The following TAB2 variants were observed in gnomAD, a reference collection of about 807,000 sequenced individuals.
TAB2 encodes the protein TGF-beta activated kinase 1 (MAP3K7) binding protein 2, also known as TGF-beta-activated kinase 1 and MAP3K7-binding protein 2.
TAB2 carries 3 observed loss-of-function variants against 65.0 expected under a neutral mutation model. That is an observed-to-expected ratio of 0.05 (90% CI 0.02 to 0.12). The LOEUF (loss-of-function observed/expected upper bound fraction) is 0.12, where lower values mean the gene tolerates loss of function less well. TAB2 is among the 10% of genes least tolerant of loss of function. TAB2 has a pLI of 1.00. For missense variants in TAB2, 623 were observed against 840.3 expected (o/e 0.74, Z 3.20); for synonymous variants, 298 against 285.1 (o/e 1.05, Z -0.46).
At chr6:149,241,878 C>T (rs1239709773) in intron 1 of TAB2, among the ~76,000 whole-genome samples, 1 of 152,156 alleles carries the variant, frequency 6.6e-6, no homozygotes, top group African/African-American at 2.4e-5. Flanking sequence ...GGACCTGAAG[C>T]CCACTCTCAG....
chr6:149,222,350 G>T (rs1403693170), intron 1 of TAB2, among the ~76,000 whole-genome samples: 2 of 152,140 alleles, frequency 1.3e-5, no homozygotes, highest in Non-Finnish European at 2.9e-5. Flanking sequence ...AGGCGTGGTG[G>T]CTCATGCCTG....
intron 6 of TAB2, among the ~76,000 whole-genome samples, chr6:149,407,361 GAAT>G (rs749414622): frequency 7.9e-5 from 12 of 152,026 alleles, no homozygotes; most frequent in African/African-American, 1.7e-4. Flanking sequence ...TGTTACTTCA[GAAT>G]AATAATAATC....
chr6:149,227,373 T>C (rs556422165), intron 1 of TAB2, among the ~76,000 whole-genome samples: 34 of 152,298 alleles, frequency 2.2e-4, no homozygotes, highest in Non-Finnish European at 4.6e-4. Flanking sequence ...GAGTCAAGAT[T>C]GCTTGTGAAA....
At chr6:149,228,136 C>T (rs1777323055) in intron 1 of TAB2, among the ~76,000 whole-genome samples, 1 of 151,936 alleles carries the variant, frequency 6.6e-6, no homozygotes, top group African/African-American at 2.4e-5. Context: ...ACAGAACCTG[C>T]CCCAAACTTG....
chr6:149,325,097 A>G lies in TAB2; in HGVS notation c.-90+7082A>G, dbSNP rs12529642. Reference sequence around the variant, plus strand: ...CCCCACCTCTTTAACTAAATATCTTAATTTTACCGTGTTGGGAGTCAATGA... The same window carrying G: ...CCCCACCTCTTTAACTAAATATCTTGATTTTACCGTGTTGGGAGTCAATGA... On this transcript the variant is annotated intron_variant, in intron 1 of 6. Coordinates refer to ENST00000637181, the MANE Select transcript of TAB2 (RefSeq NM_001292034.3). Among the ~76,000 whole-genome samples the G allele has an allele frequency of 3.7e-3, 570 of 152,202 alleles. 13 individuals carry two copies. Among genetic ancestry groups the G allele is most frequent in the Admixed American group, 0.033 (507 of 15,280 alleles).
At chr6:149,325,628 G>T (rs1779576757) in intron 1 of TAB2, among the ~76,000 whole-genome samples, 1 of 152,126 alleles carries the variant, frequency 6.6e-6, no homozygotes, top group Non-Finnish European at 1.5e-5. Context: ...TTTAGGAAAA[G>T]CATTAGAAAA....
chr6:149,271,398 CATCCAGA>C (rs1364751188), intron 1 of TAB2, among the ~76,000 whole-genome samples: 3 of 152,130 alleles, frequency 2.0e-5, no homozygotes, highest in Non-Finnish European at 4.4e-5. Context: ...TCCATGAGGT[CATCCAGA>C]GACCCAGGTT....
rs6933363 is a variant in TAB2, at chr6:149,322,478, G to C, written c.-90+4463G>C. On this transcript the variant is annotated intron_variant, in intron 1 of 6. Coordinates refer to ENST00000637181, the MANE Select transcript of TAB2 (RefSeq NM_001292034.3). ...AGAGTTTCAACAGCGATTTCCTATT[G>C]TTAGTATTTCAGAAAGCTGTTTTAT... 1.7e-3 allele frequency among the ~76,000 whole-genome samples: 263 copies of C among 152,158 alleles called. 1 individual carries two copies. The highest frequency in any genetic ancestry group is 6.0e-3 in the African/African-American group (249 of 41,542).
At chr6:149,228,877 G>A (rs968243149) in intron 1 of TAB2, among the ~76,000 whole-genome samples, 1 of 152,234 alleles carries the variant, frequency 6.6e-6, no homozygotes, top group Non-Finnish European at 1.5e-5. Context: ...GCATGTGTGT[G>A]TGTGAGTGCA....
intron 2 of TAB2, among the ~76,000 whole-genome samples, chr6:149,375,083 T>C (rs999632665): frequency 6.6e-6 from 1 of 152,196 alleles, no homozygotes; most frequent in African/African-American, 2.4e-5. Context: ...GATCATGGCA[T>C]TGTGGTTATG....
intron 1 of TAB2, among the ~76,000 whole-genome samples, chr6:149,262,569 C>G (rs1447162133): frequency 6.6e-6 from 1 of 151,914 alleles, no homozygotes; most frequent in Non-Finnish European, 1.5e-5. Flanking sequence ...AGAGTTGTCA[C>G]CTGGCAAAAT....
At chr6:149,298,152 A>C (rs1174348749) in intron 1 of TAB2, among the ~76,000 whole-genome samples, 1 of 152,174 alleles carries the variant, frequency 6.6e-6, no homozygotes, top group African/African-American at 2.4e-5. Context: ...GGATTTCAGG[A>C]GATTATATTC....
intron 1 of TAB2, among the ~76,000 whole-genome samples, chr6:149,262,304 G>A (rs949193305): frequency 9.9e-5 from 15 of 152,150 alleles, no homozygotes; most frequent in African/African-American, 3.6e-4. Context: ...AGGCCCTGGC[G>A]GGAGGATCAC....
intron 1 of TAB2, among the ~76,000 whole-genome samples, chr6:149,281,382 T>C (rs1415244624): frequency 6.6e-6 from 1 of 151,768 alleles, no homozygotes; most frequent in Non-Finnish European, 1.5e-5. Flanking sequence ...CAAAGAGTTA[T>C]AACCAATAAT....
intron 3 of TAB2, among the ~76,000 whole-genome samples, chr6:149,391,551 A>G (rs928319355): frequency 2.0e-5 from 3 of 151,862 alleles, no homozygotes; most frequent in Non-Finnish European, 4.4e-5. Context: ...GGTATCAGGG[A>G]CAGGGGCAGG....
At chr6:149,249,804 G>A (rs766058701) in intron 1 of TAB2, among the ~76,000 whole-genome samples, 19 of 152,248 alleles carry the variant, frequency 1.2e-4, no homozygotes, top group Middle Eastern at 3.4e-3. Flanking sequence ...CTGCAGGCCC[G>A]CACTCCATCA....
intron 1 of TAB2, among the ~76,000 whole-genome samples, chr6:149,349,345 A>G (rs917320868): frequency 3.4e-5 from 5 of 144,940 alleles, no homozygotes; most frequent in African/African-American, 1.3e-4. Context: ...GCTTGAACCC[A>G]GGAGGCGGAG....
chr6:149,328,958 TAGAG>T (rs566947371), intron 1 of TAB2, among the ~76,000 whole-genome samples: 20 of 151,982 alleles, frequency 1.3e-4, no homozygotes, highest in African/African-American at 2.7e-4. Context: ...TCTTTTTAGA[TAGAG>T]AGAAACACCA....
intron 1 of TAB2, among the ~76,000 whole-genome samples, chr6:149,259,665 C>T (rs1778112114): frequency 6.6e-6 from 1 of 152,180 alleles, no homozygotes; most frequent in South Asian, 2.1e-4. Context: ...GATGCTTATT[C>T]ATAAAAGAGT....
Sources: gnomAD v4.1 joint callset for allele counts (sites outside exome capture counted in the v4.1 genomes callset) on GRCh38, gnomAD v4.1.1 for gene constraint, MANE v1.5 for transcripts, NCBI Gene and HGNC (gene_info 2026-07-23, HGNC 2026-07-21) for gene names.